The following KSR2 variants were observed in gnomAD, a reference collection of about 807,000 sequenced individuals.
The protein encoded by KSR2 is kinase suppressor of ras 2.
A neutral mutation model predicts 107.8 loss-of-function variants in KSR2; 25 were observed. That is an observed-to-expected ratio of 0.23 (90% CI 0.17 to 0.32). KSR2 has a LOEUF of 0.32. Ranked by LOEUF, KSR2 falls within the 10% of genes least tolerant of loss-of-function variation. KSR2 has a pLI of 1.00. For missense variants in KSR2, 887 were observed against 1,268.9 expected (o/e 0.70, Z 4.57); for synonymous variants, 480 against 507.0 (o/e 0.95, Z 0.71).
At chr12:117,866,213 A>G (rs923062781) in intron 1 of KSR2, among the ~76,000 whole-genome samples, 1 of 151,522 alleles carries the variant, frequency 6.6e-6, no homozygotes, top group African/African-American at 2.4e-5. Context: ...GGGCCACCAC[A>G]CCACGCCTTT....
intron 5 of KSR2, among the ~76,000 whole-genome samples, chr12:117,658,187 G>A (rs1435420336): frequency 2.0e-5 from 3 of 152,238 alleles, no homozygotes; most frequent in Admixed American, 6.5e-5. Flanking sequence ...GGCATGACAC[G>A]TTAAGGATCT....
At chr12:117,942,099 A>G (rs1896028090) in intron 1 of KSR2, among the ~76,000 whole-genome samples, 1 of 152,292 alleles carries the variant, frequency 6.6e-6, no homozygotes, top group African/African-American at 2.4e-5. Context: ...TGTATACATA[A>G]TAGTTGTACA....
intron 4 of KSR2, among the ~76,000 whole-genome samples, chr12:117,714,303 G>A (rs1886898343): frequency 1.3e-5 from 2 of 152,038 alleles, no homozygotes; most frequent in African/African-American, 2.4e-5. Flanking sequence ...CAACATGTAC[G>A]CCTCTTATGC....
chr12:117,585,093 C>G (rs78397659), intron 5 of KSR2, among the ~76,000 whole-genome samples: 1 of 152,110 alleles, frequency 6.6e-6, no homozygotes, highest in African/African-American at 2.4e-5. Context: ...TTACCAGCAT[C>G]TGGTGGGGAG....
At chr12:117,910,610 A>G (rs1894982379) in intron 1 of KSR2, among the ~76,000 whole-genome samples, 1 of 152,224 alleles carries the variant, frequency 6.6e-6, no homozygotes, top group Admixed American at 6.5e-5. Flanking sequence ...AAGCTTCAAG[A>G]TTTCACAAGC....
intron 3 of KSR2, among the ~76,000 whole-genome samples, chr12:117,780,753 T>C (rs1000819935): frequency 6.6e-6 from 1 of 152,248 alleles, no homozygotes; most frequent in African/African-American, 2.4e-5. Context: ...TGTTTTTAAA[T>C]GTAACCACTA....
chr12:117,873,047 G>A (rs147092221), intron 1 of KSR2, among the ~76,000 whole-genome samples: 268 of 152,236 alleles, frequency 1.8e-3, no homozygotes, highest in African/African-American at 6.0e-3. Flanking sequence ...CAAGAGAGAC[G>A]CCTTTTAAAA....
At chr12:117,762,295 C>T (rs1478207821) in intron 3 of KSR2, among the ~76,000 whole-genome samples, 1 of 152,222 alleles carries the variant, frequency 6.6e-6, no homozygotes, top group Non-Finnish European at 1.5e-5. Flanking sequence ...AAGTCAAGTT[C>T]ATCCTTAGTC....
intron 19 of KSR2, among the ~76,000 whole-genome samples, chr12:117,469,342 G>C (rs1007749673): frequency 6.6e-6 from 1 of 152,060 alleles, no homozygotes; most frequent in African/African-American, 2.4e-5. Context: ...CTGACATATG[G>C]GGGGCTTGGC....
intron 14 of KSR2, among the ~76,000 whole-genome samples, chr12:117,515,725 A>G (rs1167038564): frequency 6.6e-6 from 1 of 152,228 alleles, no homozygotes; most frequent in Admixed American, 6.5e-5. Context: ...CAGGAGTTCA[A>G]GACAAGGCTG....
intron 1 of KSR2, among the ~76,000 whole-genome samples, chr12:117,958,857 A>T (rs11068763): frequency 0.086 from 13,122 of 152,234 alleles, 979 homozygotes; most frequent in East Asian, 0.3. Context: ...TCCATGTCAT[A>T]CTATGTAGCC....
chr12:117,722,305 A>C (rs1292380239), intron 4 of KSR2, among the ~76,000 whole-genome samples: 1 of 152,202 alleles, frequency 6.6e-6, no homozygotes, highest in Non-Finnish European at 1.5e-5. Context: ...AGGATATCAG[A>C]TGTGTGTGAA....
intron 4 of KSR2, among the ~76,000 whole-genome samples, chr12:117,701,634 C>A (rs1886322347): frequency 6.6e-6 from 1 of 152,116 alleles, no homozygotes; most frequent in African/African-American, 2.4e-5. Context: ...GATGAATCAA[C>A]CTGCATTGTC....
At chr12:117,777,115 C>CCATATATATAT (rs1889718553) in intron 3 of KSR2, among the ~76,000 whole-genome samples, 3 of 114,798 alleles carry the variant, frequency 2.6e-5, no homozygotes, top group South Asian at 2.7e-4. Context: ...TATACACACA[C>CCATATATATAT]ACACCATATA....
At chr12:117,889,363 C>A (rs1894269582) in intron 1 of KSR2, 1 of 152,108 alleles carries the variant, frequency 6.6e-6, no homozygotes, top group Non-Finnish European at 1.5e-5. Flanking sequence ...GGAACTCGTG[C>A]CCCCACATCA....
chr12:117,621,555 A>T (rs1295194290), intron 5 of KSR2, among the ~76,000 whole-genome samples: 1 of 152,176 alleles, frequency 6.6e-6, no homozygotes, highest in African/African-American at 2.4e-5. Context: ...TAAATGATAT[A>T]GGCATGAAAA....
intron 1 of KSR2, among the ~76,000 whole-genome samples, chr12:117,967,367 C>G (rs9805009): frequency 0.22 from 32,946 of 152,068 alleles, 4,072 homozygotes; most frequent in East Asian, 0.29. Flanking sequence ...GAGTATTCTC[C>G]CACACCACCT....
chr12:117,881,917 T>A (rs1194827406), intron 1 of KSR2, among the ~76,000 whole-genome samples: 1 of 152,162 alleles, frequency 6.6e-6, no homozygotes, highest in African/African-American at 2.4e-5. Flanking sequence ...ACTGAATGGT[T>A]TAGGGCCACA....
intron 7 of KSR2, among the ~76,000 whole-genome samples, chr12:117,578,102 G>A (rs1170124332): frequency 2.0e-5 from 3 of 152,074 alleles, no homozygotes; most frequent in Admixed American, 1.3e-4. Context: ...TGGGTGGTAC[G>A]GCCTTCTCAT....
Sources: gnomAD v4.1 joint callset for allele counts (sites outside exome capture counted in the v4.1 genomes callset) on GRCh38, gnomAD v4.1.1 for gene constraint, MANE v1.5 for transcripts, NCBI Gene and HGNC (gene_info 2026-07-23, HGNC 2026-07-21) for gene names.